Variants in UGT1A7 observed in about 807,000 individuals in gnomAD.
UGT1A7 encodes the protein UDP glucuronosyltransferase family 1 member A7, also known as UDP-glucuronosyltransferase 1A7.
In UGT1A7, 33 loss-of-function variants were observed where a neutral mutation model predicts 45.6. That is an observed-to-expected ratio of 0.72 (90% CI 0.55 to 0.97). The LOEUF is 0.97. Ranked by LOEUF, UGT1A7 falls within the 50% of genes least tolerant of loss-of-function variation. The pLI, the probability that UGT1A7 is intolerant of heterozygous loss-of-function variation, is 0.00. For synonymous variants in UGT1A7, 274 were observed against 250.6 expected (o/e 1.09, Z -0.88); for missense variants, 684 against 666.2 (o/e 1.03, Z -0.29).
chr2:233,734,300 G>GAAGA (rs2078508632), intron 1 of UGT1A7, among the ~76,000 whole-genome samples: 1 of 152,112 alleles, frequency 6.6e-6, no homozygotes, highest in Non-Finnish European at 1.5e-5. Context: ...AGATTTTCTA[G>GAAGA]TTTATTTGTG....
At chr2:233,690,659 A>C (rs2075001843) in intron 1 of UGT1A7, 1 of 1,280,562 alleles carries the variant, frequency 7.8e-7, no homozygotes, top group Non-Finnish European at 1.0e-6. Flanking sequence ...CTACAGCACC[A>C]ACCAGGGCAG....
At chr2:233,743,483 T>A in intron 1 of UGT1A7, 1 of 1,367,128 alleles carries the variant, frequency 7.3e-7, no homozygotes, top group Non-Finnish European at 9.8e-7. Flanking sequence ...GGAAATTCAC[T>A]GAAGGCAGAG....
chr2:233,729,808 T>A, intron 1 of UGT1A7: 1 of 1,613,986 alleles, frequency 6.2e-7, no homozygotes, highest in Non-Finnish European at 8.5e-7. Context: ...CCATGCTTTT[T>A]CTGCTCCTTA....
intron 1 of UGT1A7, among the ~76,000 whole-genome samples, chr2:233,736,694 G>T (rs2078793950): frequency 6.6e-6 from 1 of 152,122 alleles, no homozygotes; most frequent in South Asian, 2.1e-4. Context: ...CCTACAGATG[G>T]GGTTTTGGTG....
chr2:233,758,075 A>C (rs1280685172), intron 1 of UGT1A7, among the ~76,000 whole-genome samples: 1 of 152,176 alleles, frequency 6.6e-6, no homozygotes, highest in African/African-American at 2.4e-5. Flanking sequence ...TTCTGGGCCT[A>C]GTTCCTAGCA....
intron 1 of UGT1A7, chr2:233,719,156 A>C (rs751674220): frequency 1.2e-6 from 2 of 1,614,236 alleles, no homozygotes; most frequent in Non-Finnish European, 1.7e-6. Context: ...GATATTCTAG[A>C]AGTATGGCAA....
intron 1 of UGT1A7, among the ~76,000 whole-genome samples, chr2:233,746,352 C>T (rs540725782): frequency 6.6e-6 from 1 of 151,844 alleles, no homozygotes; most frequent in African/African-American, 2.4e-5. Flanking sequence ...TTATGTTGCT[C>T]CTTTAGTAAC....
intron 1 of UGT1A7, among the ~76,000 whole-genome samples, chr2:233,687,932 T>C (rs1013088833): frequency 6.6e-6 from 1 of 152,206 alleles, no homozygotes; most frequent in African/African-American, 2.4e-5. Context: ...AATAAATACA[T>C]GAATAAATAA....
chr2:233,729,782 C>A (rs764191993), intron 1 of UGT1A7: 1 of 1,613,938 alleles, frequency 6.2e-7, no homozygotes, highest in South Asian at 1.1e-5. Flanking sequence ...TACCCTCTGG[C>A]CCTGTCCTAC....
rs1260954458 is a variant in UGT1A7, at chr2:233,760,768, G to A, written c.856-6266G>A. ...TTTCCTTCCTTGCAGCCCCATCGTG[G>A]CCCAGTACCTGTCTCTGCCCACTGT... is the stretch of plus-strand genomic sequence containing the variant. On this transcript the variant is annotated intron_variant, in intron 1 of 4. Coordinates refer to ENST00000373426, the MANE Select transcript of UGT1A7 (RefSeq NM_019077.3). 3.1e-6 allele frequency: 5 copies of A among 1,613,838 alleles called. 1 individual carries two copies. The highest frequency in any genetic ancestry group is 3.4e-6 in the Non-Finnish European group (4 of 1,179,918).
intron 1 of UGT1A7, among the ~76,000 whole-genome samples, chr2:233,702,794 A>G (rs1318295420): frequency 6.6e-6 from 1 of 152,214 alleles, no homozygotes; most frequent in Non-Finnish European, 1.5e-5. Flanking sequence ...CGAACCTTGT[A>G]TTCCTAGAAT....
intron 1 of UGT1A7, among the ~76,000 whole-genome samples, chr2:233,718,526 C>T (rs942579588): frequency 5.3e-5 from 8 of 152,144 alleles, no homozygotes; most frequent in Non-Finnish European, 1.2e-4. Flanking sequence ...GTGTCCACAG[C>T]CTTGTGTTGG....
intron 1 of UGT1A7, among the ~76,000 whole-genome samples, chr2:233,745,892 C>T (rs573273105): frequency 7.3e-5 from 11 of 150,844 alleles, no homozygotes; most frequent in East Asian, 2.0e-4. Context: ...GGTGGGGTGG[C>T]GTTTTTCAGG....
chr2:233,755,330 C>G (rs1695864854), intron 1 of UGT1A7: 1 of 463,614 alleles, frequency 2.2e-6, no homozygotes, highest in Non-Finnish European at 3.7e-6. Context: ...TGCCAGCACC[C>G]GCGCACAGGT....
intron 1 of UGT1A7, among the ~76,000 whole-genome samples, chr2:233,766,129 A>G (rs1046451620): frequency 6.6e-6 from 1 of 152,192 alleles, no homozygotes; most frequent in Non-Finnish European, 1.5e-5. Context: ...GGTGTACCAG[A>G]AGAATCGAAT....
At chr2:233,746,881 A>T (rs1422259027) in intron 1 of UGT1A7, among the ~76,000 whole-genome samples, 1 of 151,740 alleles carries the variant, frequency 6.6e-6, no homozygotes, top group Non-Finnish European at 1.5e-5. Context: ...TGGTTAACAG[A>T]GAAGTAGGAG....
At chr2:233,691,270 C>T (rs2075035586) in intron 1 of UGT1A7, 4 of 985,548 alleles carry the variant, frequency 4.1e-6, no homozygotes, top group Non-Finnish European at 4.8e-6. Flanking sequence ...GCTGCCGCCC[C>T]CATGACTTTG....
chr2:233,704,568 T>C (rs765343454), intron 1 of UGT1A7, among the ~76,000 whole-genome samples: 2 of 152,150 alleles, frequency 1.3e-5, no homozygotes, highest in Non-Finnish European at 2.9e-5. Flanking sequence ...TAAATACACA[T>C]GCTTTCAAGA....
intron 1 of UGT1A7, chr2:233,754,863 C>G (rs533816242): frequency 1.9e-5 from 25 of 1,351,158 alleles, no homozygotes; most frequent in Admixed American, 3.8e-5. Flanking sequence ...GGGTGCAGAC[C>G]CTCTGCTTCT....
Sources: gnomAD v4.1 joint callset for allele counts (sites outside exome capture counted in the v4.1 genomes callset) on GRCh38, gnomAD v4.1.1 for gene constraint, MANE v1.5 for transcripts, NCBI Gene and HGNC (gene_info 2026-07-23, HGNC 2026-07-21) for gene names.